NRCAM: variants seen among roughly 807,000 people sequenced by gnomAD.
NRCAM encodes the protein NgCAM-related cell adhesion molecule.
Under a neutral mutation model 156.5 loss-of-function variants are expected in NRCAM, and 83 were observed. The ratio of observed to expected loss-of-function variants is 0.53; its 90% CI spans 0.44 to 0.64. The LOEUF (loss-of-function observed/expected upper bound fraction) is 0.64, where lower values mean the gene tolerates loss of function less well. NRCAM is among the 30% of genes least tolerant of loss of function. NRCAM has a pLI of 0.00. For missense variants in NRCAM, 1,417 were observed against 1,597.3 expected (o/e 0.89, Z 1.92); for synonymous variants, 538 against 563.9 (o/e 0.95, Z 0.65).
At chr7:108,354,572 CA>C (rs1322486819) in intron 2 of NRCAM, among the ~76,000 whole-genome samples, 1 of 152,130 alleles carries the variant, frequency 6.6e-6, no homozygotes, top group African/African-American at 2.4e-5. Flanking sequence ...AGAGATTTAG[CA>C]ATTATGCTGG....
intron 2 of NRCAM, among the ~76,000 whole-genome samples, chr7:108,392,409 G>C (rs937090878): frequency 6.6e-6 from 1 of 152,156 alleles, no homozygotes; most frequent in East Asian, 1.9e-4. Context: ...TCGTGCCATG[G>C]TTTTCAGCTC....
chr7:108,347,502 A>T (rs2099367101), intron 2 of NRCAM, among the ~76,000 whole-genome samples: 1 of 152,218 alleles, frequency 6.6e-6, no homozygotes, highest in Non-Finnish European at 1.5e-5. Flanking sequence ...CCTCAAAAGC[A>T]GAGAAAGAAA....
intron 15 of NRCAM, among the ~76,000 whole-genome samples, chr7:108,194,787 C>T (rs886443765): frequency 4.6e-5 from 7 of 152,346 alleles, no homozygotes; most frequent in African/African-American, 1.4e-4. Flanking sequence ...GAACTTAGCA[C>T]AGCATCTAGG....
At position 108,237,751 on chromosome 7, in the gene NRCAM, C is replaced by T. The variant is rs774313502; in HGVS notation, c.124+1G>A. On this transcript the variant is annotated splice_donor_variant, in intron 5 of 32. Transcript: ENST00000379028. LOFTEE classifies it high-confidence loss of function. ...CTAGTAATTTATAGAAGGACACTTA[C>T]AGTCTTCAAGAAGTTTTGCTTTTTC... is the stretch of plus-strand genomic sequence containing the variant. 1.3e-5 allele frequency: 21 copies of T among 1,592,558 alleles called. No homozygotes were observed. The Admixed American group carries it at 2.3e-4, about 17-fold the overall frequency.
chr7:108,201,529 A>G (rs1211247954), intron 13 of NRCAM, among the ~76,000 whole-genome samples: 2 of 152,202 alleles, frequency 1.3e-5, no homozygotes, highest in Non-Finnish European at 2.9e-5. Context: ...AACACTACTG[A>G]ACTGTACACT....
Position 108,263,043 on chromosome 7 carries a change from A to T in NRCAM, c.-106-22873T>A, listed in dbSNP as rs572166834. Among the ~76,000 whole-genome samples the T allele has an allele frequency of 2.0e-5, 3 of 152,298 alleles. No individual in the cohort carries two copies. In the East Asian group the frequency reaches 5.8e-4, roughly 29 times the overall value. ...GGGGAATGCATAGGAAGGAAGGTGAACATCATAAACCCATGGAGACCACTG... is the reference window on the plus strand; with the variant it reads ...GGGGAATGCATAGGAAGGAAGGTGATCATCATAAACCCATGGAGACCACTG... On this transcript the variant is annotated intron_variant, in intron 3 of 32. Transcript: ENST00000379028.
intron 13 of NRCAM, among the ~76,000 whole-genome samples, chr7:108,202,961 G>A (rs1163560936): frequency 6.6e-6 from 1 of 152,162 alleles, no homozygotes; most frequent in Non-Finnish European, 1.5e-5. Flanking sequence ...AGACTCTCCT[G>A]CAGAGATAGG....
At position 108,195,347 on chromosome 7, in the gene NRCAM, A is replaced by C. The variant is rs564850742; in HGVS notation, c.1463+414T>G. ...ATTTAATAATTAACAGTGTAGGCCA[A>C]GCACAGTGGCTCATACCTATAATCC... On this transcript the variant is annotated intron_variant, in intron 15 of 32. Transcript: ENST00000379028. Among the ~76,000 whole-genome samples the C allele has an allele frequency of 1.6e-3, 247 of 152,228 alleles. 2 individuals are homozygous for C. The highest frequency in any genetic ancestry group is 3.2e-3 in the Middle Eastern group (1 of 316).
intron 3 of NRCAM, among the ~76,000 whole-genome samples, chr7:108,281,169 T>C (rs1283457158): frequency 2.0e-5 from 3 of 152,166 alleles, no homozygotes; most frequent in African/African-American, 7.2e-5. Flanking sequence ...CCTCTTAACC[T>C]GATGAAATGA....
At chr7:108,435,355 T>C (rs1424885411) in intron 1 of NRCAM, among the ~76,000 whole-genome samples, 3 of 151,990 alleles carry the variant, frequency 2.0e-5, no homozygotes, top group Non-Finnish European at 4.4e-5. Flanking sequence ...TTATCTAATT[T>C]GAAAAACACA....
At chr7:108,430,415 G>T (rs1823511080) in intron 1 of NRCAM, among the ~76,000 whole-genome samples, 1 of 152,020 alleles carries the variant, frequency 6.6e-6, no homozygotes, top group Non-Finnish European at 1.5e-5. Flanking sequence ...ATATTCAGAA[G>T]GTAGAACAAA....
intron 3 of NRCAM, among the ~76,000 whole-genome samples, chr7:108,263,294 G>C (rs1326337923): frequency 2.0e-5 from 3 of 152,196 alleles, no homozygotes; most frequent in Non-Finnish European, 4.4e-5. Flanking sequence ...CTTGCCTAGT[G>C]TTTTTTCTTT....
chr7:108,383,872 CT>C (rs1239446701), intron 2 of NRCAM, among the ~76,000 whole-genome samples: 1 of 152,164 alleles, frequency 6.6e-6, no homozygotes, highest in African/African-American at 2.4e-5. Flanking sequence ...CGTAACTGAA[CT>C]TCCTACTCTG....
intron 1 of NRCAM, among the ~76,000 whole-genome samples, chr7:108,455,383 C>T (rs1295087873): frequency 6.6e-6 from 1 of 152,182 alleles, no homozygotes; most frequent in Non-Finnish European, 1.5e-5. Context: ...CCTGGCTCAA[C>T]ACAGCATCCC....
At chr7:108,270,473 T>C (rs1021258105) in intron 3 of NRCAM, among the ~76,000 whole-genome samples, 3 of 152,244 alleles carry the variant, frequency 2.0e-5, no homozygotes, top group Non-Finnish European at 4.4e-5. Flanking sequence ...ATTTCTGCTA[T>C]TGAGACTTTA....
intron 20 of NRCAM, among the ~76,000 whole-genome samples, chr7:108,185,622 G>A (rs996298156): frequency 6.6e-6 from 1 of 151,514 alleles, no homozygotes; most frequent in Non-Finnish European, 1.5e-5. Context: ...GGGAGGCTGA[G>A]CTAGGAGGAT....
At chr7:108,342,582 A>C (rs1296607340) in intron 2 of NRCAM, among the ~76,000 whole-genome samples, 2 of 152,244 alleles carry the variant, frequency 1.3e-5, no homozygotes, top group Non-Finnish European at 2.9e-5. Flanking sequence ...CCCAAGCCCC[A>C]GTGTTAATAA....
intron 3 of NRCAM, among the ~76,000 whole-genome samples, chr7:108,273,900 A>G (rs970840779): frequency 2.0e-5 from 3 of 152,194 alleles, no homozygotes; most frequent in South Asian, 4.1e-4. Flanking sequence ...TCTTTAATCC[A>G]TCTTCAGTTA....
intron 2 of NRCAM, among the ~76,000 whole-genome samples, chr7:108,363,050 G>A (rs1464965842): frequency 6.6e-6 from 1 of 152,100 alleles, no homozygotes; most frequent in Non-Finnish European, 1.5e-5. Flanking sequence ...ATGCCACAGA[G>A]ACATGGGAGC....
Sources: gnomAD v4.1 joint callset for allele counts (sites outside exome capture counted in the v4.1 genomes callset) on GRCh38, gnomAD v4.1.1 for gene constraint, MANE v1.5 for transcripts, NCBI Gene and HGNC (gene_info 2026-07-23, HGNC 2026-07-21) for gene names.